ITGB4: variants seen among roughly 807,000 people sequenced by gnomAD.
The protein encoded by ITGB4 is integrin subunit beta 4.
Under a neutral mutation model 207.6 loss-of-function variants are expected in ITGB4, and 159 were observed. The ratio of observed to expected loss-of-function variants is 0.77; its 90% CI spans 0.67 to 0.87. The LOEUF (loss-of-function observed/expected upper bound fraction) is 0.87, where lower values mean the gene tolerates loss of function less well. ITGB4 is among the 40% of genes least tolerant of loss of function. The pLI is 0.00. For missense variants in ITGB4, 2,278 were observed against 2,546.8 expected (o/e 0.89, Z 2.27); for synonymous variants, 1,020 against 1,062.7 (o/e 0.96, Z 0.78).
At chr17:75,747,478 C>CA (rs1340556094) in intron 26 of ITGB4, among the ~76,000 whole-genome samples, 3 of 152,028 alleles carry the variant, frequency 2.0e-5, no homozygotes, top group Non-Finnish European at 4.4e-5. Flanking sequence ...AACTCCATCC[C>CA]AAAAAATATA....
Position 75,757,125 on chromosome 17 carries a change from C to T in ITGB4, c.5218+18C>T, listed in dbSNP as rs2143557951. 6.2e-7 allele frequency: 1 copy of T among 1,612,914 alleles called. No homozygotes were observed. Among genetic ancestry groups the T allele is most frequent in the Non-Finnish European group, 8.5e-7 (1 of 1,179,958 alleles). Reference sequence around the variant, plus strand: ...GGATGGAGGTAGGCACCTGTCCTTTCCTTCACCCCCACCCCTCCTCGGGCC... The same window carrying T: ...GGATGGAGGTAGGCACCTGTCCTTTTCTTCACCCCCACCCCTCCTCGGGCC... On this transcript the variant is annotated intron_variant, in intron 38 of 39. Transcript: ENST00000200181.
At position 75,740,954 on chromosome 17, in the gene ITGB4, G is replaced by T; in HGVS notation, c.2610-28G>T. On this transcript the variant is annotated intron_variant, in intron 22 of 39. Transcript: ENST00000200181. The surrounding 1 kb of genome is among the most constrained non-coding windows in gnomAD (Gnocchi z 5.9). ...CAGGCCTCCACTTCAGGGCTATCTAGCTCACAGCGCCCTCTTTGTCCCCAC... is the reference window on the plus strand; with the variant it reads ...CAGGCCTCCACTTCAGGGCTATCTATCTCACAGCGCCCTCTTTGTCCCCAC... 1 of 1,614,026 alleles carries T rather than the reference G, an allele frequency of 6.2e-7. No individual in the cohort carries two copies.
intron 23 of ITGB4, among the ~76,000 whole-genome samples, chr17:75,741,989 G>C (rs1299918948): frequency 1.3e-5 from 2 of 152,188 alleles, no homozygotes; most frequent in East Asian, 3.8e-4. Context: ...TAAGTGACTT[G>C]CCCAAGGTTA....
chr17:75,735,991 G>A (rs2060965995), intron 13 of ITGB4, 60 bp from the exon 14 acceptor site: 1 of 1,527,038 alleles, frequency 6.5e-7, no homozygotes, highest in Non-Finnish European at 9.0e-7. Flanking sequence ...TGCCAGGTGG[G>A]CAGCCTGGAC....
chr17:75,740,469 C>T lies in ITGB4; in HGVS notation c.2550+8C>T. On this transcript the variant is annotated splice_region_variant and intron_variant, in intron 21 of 39. Coordinates refer to ENST00000200181, the MANE Select transcript of ITGB4 (RefSeq NM_000213.5). This position sits in a 1 kb window ranked among gnomAD's most constrained non-coding sequence, Gnocchi z 5.9. Reference sequence around the variant, plus strand: ...CAGGAGGTGGAGGAGAACGTAAGGACCCAGGAACTAGGCCTGGCCGGAGAT... The same window carrying T: ...CAGGAGGTGGAGGAGAACGTAAGGATCCAGGAACTAGGCCTGGCCGGAGAT... 2 of 1,610,432 alleles carry T rather than the reference C, an allele frequency of 1.2e-6. No homozygotes were observed. Among genetic ancestry groups the T allele is most frequent in the Non-Finnish European group, 1.7e-6 (2 of 1,177,300 alleles).
At position 75,732,080 on chromosome 17, in the gene ITGB4, C is replaced by T. The variant is rs181098504; in HGVS notation, c.1378-83C>T. The T allele has an allele frequency of 3.7e-4, 589 of 1,606,486 alleles. 1 individual carries two copies. Among genetic ancestry groups the T allele is most frequent in the Non-Finnish European group, 4.6e-4 (539 of 1,173,786 alleles). The stretch of plus-strand genomic sequence containing the variant: ...GCCCCATATCCCTTGTGGGGTTTCC[C>T]GAGGCACACAGGAGAGCGGAAGTGT... On this transcript the variant is annotated intron_variant, in intron 11 of 39. Transcript: ENST00000200181. This position sits in a 1 kb window ranked among gnomAD's most constrained non-coding sequence, Gnocchi z 5.3.
rs919081006 is a variant in ITGB4 at position 75,755,362 on chromosome 17, A to G, written c.4559-339A>G. ...CCCACAGGCGCTAACCACCTGCCCT[A>G]CCATCAGTGCTGATGCCTAACTCTG... is the stretch of plus-strand genomic sequence containing the variant. On this transcript the variant is annotated intron_variant, in intron 34 of 39. Transcript: ENST00000200181. 13 of 878,216 alleles carry G rather than the reference A, an allele frequency of 1.5e-5. No individual in the cohort carries two copies. In the African/African-American group the frequency reaches 2.0e-4, roughly 14 times the overall value. 54.4% of individuals were successfully genotyped at this position (878,216 alleles called of 1,614,324 possible).
Position 75,753,963 on chromosome 17 carries a change from G to T in ITGB4, c.4307G>T (p.Gly1436Val). ...AGCCTGCCCCGCAGTGCGACACCCG[G>T]GCCCCCCGGAGGTGACAGGCTCACC... The part of the protein sequence containing the change: ...GGSLPRSATP[G>V]PPGEHLVNGR... The change falls in exon 33 of 40, where the codon GGG becomes GTG. Residue 1436 changes from glycine (G) to valine (V), a missense_variant. Transcript: ENST00000200181. 1 of 1,262,632 alleles carries T rather than the reference G, an allele frequency of 7.9e-7. No individual in the cohort carries two copies. The highest frequency in any genetic ancestry group is 9.9e-7 in the Non-Finnish European group (1 of 1,008,198). 78.2% of individuals were successfully genotyped at this position (1,262,632 alleles called of 1,614,324 possible). A position where few individuals can be genotyped will look rare whatever the true frequency, so the allele number is the denominator to read the frequency against.
In ITGB4 at chr17:75,737,660, G is replaced by A; in HGVS notation, c.2220+16G>A. 6.2e-7 allele frequency: 1 copy of A among 1,604,844 alleles called. No homozygotes were observed. Among genetic ancestry groups the A allele is most frequent in the Non-Finnish European group, 8.5e-7 (1 of 1,174,588 alleles). On this transcript the variant is annotated intron_variant, in intron 18 of 39. Transcript: ENST00000200181. ...CTGCTGCAAGGTGAGCACCCAGGGT[G>A]CCTCCCAAGGCCCCACATCCCAGGG... is the stretch of plus-strand genomic sequence containing the variant.
At chr17:75,744,920 C>T (rs548655288) in intron 26 of ITGB4, among the ~76,000 whole-genome samples, 30 of 152,090 alleles carry the variant, frequency 2.0e-4, no homozygotes, top group African/African-American at 6.3e-4. Flanking sequence ...TGAGCTACCA[C>T]GCCCGGCCTA....
At chr17:75,751,260 A>G (rs2061360912) in intron 30 of ITGB4, 149 bp downstream of exon 30, 4 of 987,822 alleles carry the variant, frequency 4.0e-6, no homozygotes, top group Admixed American at 2.2e-5. Context: ...AGCCTGAGGC[A>G]TCTTTAGGGT....
Position 75,730,237 on chromosome 17 carries a change from C to T in ITGB4, c.739-4C>T. On this transcript the variant is annotated splice_polypyrimidine_tract_variant and splice_region_variant and intron_variant, in intron 7 of 39. Transcript: ENST00000200181. ...GTGGGCACGCCCCGCCTTGCCTTCCCCAGAGGGACATTGGCTGGCGCCCGG... is the reference window on the plus strand; with the variant it reads ...GTGGGCACGCCCCGCCTTGCCTTCCTCAGAGGGACATTGGCTGGCGCCCGG... 6.2e-7 allele frequency: 1 copy of T among 1,612,844 alleles called. No individual in the cohort carries two copies.
At position 75,737,402 on chromosome 17, in the gene ITGB4, G is replaced by A. The variant is rs557212429; in HGVS notation, c.2071G>A (p.Ala691Thr). 19 of 1,562,512 alleles carry A rather than the reference G, an allele frequency of 1.2e-5. No homozygotes were observed. The highest frequency in any genetic ancestry group is 4.8e-5 in the East Asian group (2 of 41,566). ...TYSYTMEGDG[A>T]PGPNSTVLVH... ...CAGCTACACCATGGAAGGTGACGGC[G>A]CCCCTGGGCCCAACAGCACTGTCCT... The change falls in exon 17 of 40, where the codon GCC (alanine) becomes ACC (threonine). Residue 691 changes from alanine to threonine, a missense_variant. Ala to Thr is a moderately conservative substitution (Grantham distance 58). Coordinates refer to ENST00000200181, the MANE Select transcript of ITGB4 (RefSeq NM_000213.5).
rs986354681 is a variant in ITGB4, at chr17:75,732,061, T to A, written c.1377+88T>A. The stretch of plus-strand genomic sequence containing the variant: ...AATGAAGCAGGACTCCTGTGCCCCA[T>A]ATCCCTTGTGGGGTTTCCCGAGGCA... On this transcript the variant is annotated intron_variant, in intron 11 of 39. Coordinates refer to ENST00000200181, the MANE Select transcript of ITGB4 (RefSeq NM_000213.5). This position sits in a 1 kb window ranked among gnomAD's most constrained non-coding sequence, Gnocchi z 5.3. 1.2e-6 allele frequency: 2 copies of A among 1,604,750 alleles called. No individual in the cohort carries two copies. The highest frequency in any genetic ancestry group is 2.7e-5 in the African/African-American group (2 of 74,756).
In ITGB4 at chr17:75,757,662, C is replaced by G. The variant is rs746624219; in HGVS notation, c.*107C>G. ...TTGCACCCCTGGGGGCCCAGCCCAC[C>G]CGCATGCACAGAGCAGGGGCTAGGT... On this transcript the variant is annotated 3_prime_UTR_variant, in exon 40 of 40. Transcript: ENST00000200181. The G allele has an allele frequency of 4.7e-6, 7 of 1,475,900 alleles. No individual in the cohort carries two copies. In the South Asian group the frequency reaches 6.8e-5, roughly 14 times the overall value. 91.4% of individuals were successfully genotyped at this position (1,475,900 alleles called of 1,614,324 possible).
At chr17:75,738,171 A>G (rs1365453917) in intron 18 of ITGB4, among the ~76,000 whole-genome samples, 2 of 152,068 alleles carry the variant, frequency 1.3e-5, no homozygotes, top group African/African-American at 4.8e-5. Context: ...GAAGGGACTG[A>G]CCCATAGCAT....
At chr17:75,741,299 G>T (rs1273974366) in intron 23 of ITGB4, among the ~76,000 whole-genome samples, 1 of 152,118 alleles carries the variant, frequency 6.6e-6, no homozygotes, top group African/African-American at 2.4e-5. Context: ...GCGATAGCAG[G>T]TACCCATCTC....
intron 26 of ITGB4, among the ~76,000 whole-genome samples, chr17:75,745,227 T>C (rs556360433): frequency 3.9e-5 from 6 of 151,992 alleles, no homozygotes; most frequent in Non-Finnish European, 7.4e-5. Context: ...ACCATGTCTA[T>C]ACATATAATT....
Position 75,739,958 on chromosome 17 carries a change from T to C in ITGB4, c.2333T>C (p.Met778Thr), listed in dbSNP as rs774666370. Reference sequence around the variant, plus strand: ...GCCTCTGACCACTTGGACACGCCCATGCTGCGCAGCGGGAACCTCAAGGGC... The same window carrying C: ...GCCTCTGACCACTTGGACACGCCCACGCTGCGCAGCGGGAACCTCAAGGGC... ...LMASDHLDTP[M>T]LRSGNLKGRD... The change falls in exon 20 of 40, where the codon ATG becomes ACG. Residue 778 changes from methionine to threonine, a missense_variant. Met to Thr is a moderately conservative substitution (Grantham distance 81, BLOSUM62 -1). Coordinates refer to ENST00000200181, the MANE Select transcript of ITGB4 (RefSeq NM_000213.5). The surrounding 1 kb of genome is among the most constrained non-coding windows in gnomAD (Gnocchi z 5.4). The C allele has an allele frequency of 1.1e-5, 18 of 1,613,122 alleles. No individual in the cohort carries two copies. Among genetic ancestry groups the C allele is most frequent in the African/African-American group, 1.3e-5 (1 of 74,922 alleles).
Sources: gnomAD v4.1 joint callset for allele counts (sites outside exome capture counted in the v4.1 genomes callset) on GRCh38, gnomAD v4.1.1 for gene constraint, Gnocchi (gnomAD v3.1) non-coding constraint, MANE v1.5 for transcripts, NCBI Gene and HGNC (gene_info 2026-07-23, HGNC 2026-07-21) for gene names.